The following KANSL1L variants were observed in gnomAD, a reference collection of about 807,000 sequenced individuals.
KANSL1L encodes KAT8 regulatory NSL complex subunit 1 like.
KANSL1L carries 25 observed loss-of-function variants against 108.6 expected under a neutral mutation model. The ratio of observed to expected loss-of-function variants is 0.23; its 90% CI spans 0.17 to 0.32. The LOEUF (loss-of-function observed/expected upper bound fraction) is 0.32, where lower values mean the gene tolerates loss of function less well. KANSL1L is among the 10% of genes least tolerant of loss of function. The probability of loss-of-function intolerance (pLI) is 1.00; values close to 1 mark genes in which losing one functional copy is unlikely to be tolerated. For synonymous variants in KANSL1L, 405 were observed against 395.1 expected (o/e 1.03, Z -0.30); for missense variants, 1,137 against 1,125.7 (o/e 1.01, Z -0.14).
chr2:210,097,184 A>G (rs1002705047), intron 5 of KANSL1L: 3 of 862,708 alleles, frequency 3.5e-6, no homozygotes, highest in Non-Finnish European at 4.2e-6. Context: ...AGCTCATGAA[A>G]TCTGCCCACC....
intron 1 of KANSL1L, among the ~76,000 whole-genome samples, chr2:210,156,856 T>G (rs965132451): frequency 7.2e-5 from 11 of 152,104 alleles, no homozygotes; most frequent in Non-Finnish European, 1.2e-4. Context: ...TGTTTGCCTT[T>G]TTATGTATAC....
rs188369945 is a variant in KANSL1L, at chr2:210,151,761, A to G, written c.1088+1734T>C. The G allele has an allele frequency of 2.6e-5, 4 of 152,326 alleles. No individual in the cohort carries two copies. In the East Asian group the frequency reaches 7.7e-4, roughly 29 times the overall value. The allele number at this position is 152,326 out of a possible 1,614,324, so 9.4% of individuals were successfully genotyped here. ...ATAACTAGCACAATGCCAGCCAGAA[A>G]AATAATCTGCGCTTATTAACTACTA... On this transcript the variant is annotated intron_variant, in intron 2 of 14. Transcript: ENST00000281772.
Position 210,022,215 on chromosome 2 carries a change from C to T in KANSL1L, c.*734G>A, listed in dbSNP as rs2093869911. On this transcript the variant is annotated 3_prime_UTR_variant, in exon 15 of 15. Coordinates refer to ENST00000281772, the MANE Select transcript of KANSL1L (RefSeq NM_152519.4). ...ACAGAAAGTAGCCTGTGTTTAGTCC[C>T]AAAGATAGCAGTGATTTTGAATAAA... The T allele has an allele frequency of 6.6e-6, 1 of 151,744 alleles. No homozygotes were observed. The highest frequency in any genetic ancestry group is 2.1e-4 in the South Asian group (1 of 4,816). The allele number at this position is 151,744 out of a possible 1,614,324, so 9.4% of individuals were successfully genotyped here. A position where few individuals can be genotyped will look rare whatever the true frequency, so the allele number is the denominator to read the frequency against.
intron 3 of KANSL1L, among the ~76,000 whole-genome samples, chr2:210,116,634 G>A (rs531871139): frequency 6.6e-6 from 1 of 152,256 alleles, no homozygotes; most frequent in East Asian, 1.9e-4. Context: ...TCTTACCCGA[G>A]ACTACTGAGG....
intron 5 of KANSL1L, among the ~76,000 whole-genome samples, chr2:210,092,515 A>C (rs1010327877): frequency 2.0e-5 from 3 of 152,200 alleles, no homozygotes; most frequent in Non-Finnish European, 4.4e-5. Flanking sequence ...AAATGTGCTT[A>C]TGTAACTTGA....
chr2:210,074,720 T>TA (rs2094530581), intron 6 of KANSL1L, among the ~76,000 whole-genome samples: 1 of 152,222 alleles, frequency 6.6e-6, no homozygotes, highest in African/African-American at 2.4e-5. Flanking sequence ...TGGACCCTGA[T>TA]AAAAGAGCTT....
At position 210,056,069 on chromosome 2, in the gene KANSL1L, C is replaced by G. The variant is rs376085793; in HGVS notation, c.1756-11965G>C. ...CCAGGACCCCCCTGCTCTGTGCAGC[C>G]TTGGGGTGTGGTGCCTGCATCCCAG... On this transcript the variant is annotated intron_variant, in intron 6 of 14. Transcript: ENST00000281772. Among the ~76,000 whole-genome samples, 9 of 152,348 alleles carry G rather than the reference C, an allele frequency of 5.9e-5. No homozygotes were observed. The East Asian group carries it at 1.7e-3, about 29-fold the overall frequency.
chr2:210,102,368 A>G (rs1286268067), intron 4 of KANSL1L, among the ~76,000 whole-genome samples: 1 of 152,200 alleles, frequency 6.6e-6, no homozygotes, highest in East Asian at 1.9e-4. Flanking sequence ...AAACCCTAGA[A>G]GAAAACCTAG....
chr2:210,068,861 G>A (rs1319198770), intron 6 of KANSL1L, among the ~76,000 whole-genome samples: 1 of 152,054 alleles, frequency 6.6e-6, no homozygotes, highest in Non-Finnish European at 1.5e-5. Flanking sequence ...CTCTGTTCCT[G>A]GCTTCTGCTT....
At position 210,110,169 on chromosome 2, in the gene KANSL1L, TC is replaced by T. The variant is rs1485058341; in HGVS notation, c.1231-5869del. Among the ~76,000 whole-genome samples, 14 of 152,304 alleles carry T rather than the reference TC, an allele frequency of 9.2e-5. No homozygotes were observed. In the East Asian group the frequency reaches 1.7e-3, roughly 19 times the overall value. ...CTACCTACATACTCCTTTCTCCCGT[TC>T]CTCTTTCTCTGCTTCCTTGTGGGGA... On this transcript the variant is annotated intron_variant, in intron 3 of 14. Transcript: ENST00000281772.
At chr2:210,109,478 A>G (rs1295337730) in intron 3 of KANSL1L, among the ~76,000 whole-genome samples, 1 of 152,168 alleles carries the variant, frequency 6.6e-6, no homozygotes, top group Non-Finnish European at 1.5e-5. Flanking sequence ...GTTTCCCACA[A>G]AAACAAGGTT....
chr2:210,057,852 T>C (rs1489850102), intron 6 of KANSL1L, among the ~76,000 whole-genome samples: 1 of 152,222 alleles, frequency 6.6e-6, no homozygotes, highest in Non-Finnish European at 1.5e-5. Context: ...TGCTTGTCTT[T>C]ACTTTAATCT....
intron 1 of KANSL1L, among the ~76,000 whole-genome samples, chr2:210,157,923 A>G (rs1462700642): frequency 1.3e-5 from 2 of 152,060 alleles, no homozygotes; most frequent in African/African-American, 4.8e-5. Flanking sequence ...AAAGCAGATT[A>G]GTATTTAAGA....
chr2:210,084,647 C>T (rs1470222755), intron 5 of KANSL1L, among the ~76,000 whole-genome samples: 3 of 151,728 alleles, frequency 2.0e-5, no homozygotes, highest in Non-Finnish European at 4.4e-5. Flanking sequence ...CACAGTCTCA[C>T]TTTGTCGCCA....
intron 8 of KANSL1L, 56 bp from the exon 9 acceptor site, chr2:210,031,602 C>A: frequency 8.8e-7 from 1 of 1,132,022 alleles, no homozygotes; most frequent in South Asian, 1.8e-5. Flanking sequence ...AGACAGTGAA[C>A]ATGTCAATCT....
intron 5 of KANSL1L, among the ~76,000 whole-genome samples, chr2:210,090,657 G>C (rs1311660658): frequency 6.6e-6 from 1 of 152,004 alleles, no homozygotes; most frequent in Non-Finnish European, 1.5e-5. Context: ...TCAGCTTCCT[G>C]AATAGCTGGG....
intron 8 of KANSL1L, among the ~76,000 whole-genome samples, chr2:210,037,921 A>G (rs2094125026): frequency 6.6e-6 from 1 of 152,114 alleles, no homozygotes; most frequent in Admixed American, 6.6e-5. Context: ...ATTCAAATCA[A>G]TCTCAACAAG....
At chr2:210,037,655 T>C (rs1419573118) in intron 8 of KANSL1L, among the ~76,000 whole-genome samples, 3 of 152,186 alleles carry the variant, frequency 2.0e-5, no homozygotes, top group East Asian at 3.8e-4. Flanking sequence ...GAACAACTTA[T>C]AACCAATCTT....
intron 8 of KANSL1L, among the ~76,000 whole-genome samples, chr2:210,038,203 T>C (rs960627061): frequency 3.9e-5 from 6 of 152,020 alleles, no homozygotes; most frequent in Admixed American, 3.3e-4. Context: ...CGAAAAAAGC[T>C]TTCATATTTA....
Sources: gnomAD v4.1 joint callset for allele counts (sites outside exome capture counted in the v4.1 genomes callset) on GRCh38, gnomAD v4.1.1 for gene constraint, MANE v1.5 for transcripts, NCBI Gene and HGNC (gene_info 2026-07-23, HGNC 2026-07-21) for gene names.